SUPT3H: variants seen among roughly 807,000 people sequenced by gnomAD.
The protein encoded by SUPT3H is transcription initiation protein SPT3 homolog.
A neutral mutation model predicts 44.3 loss-of-function variants in SUPT3H; 44 were observed. That is an observed-to-expected ratio of 0.99 (90% CI 0.78 to 1.28). The LOEUF (loss-of-function observed/expected upper bound fraction) is 1.28. Among genes scored for constraint, SUPT3H ranks in the 50% most tolerant of loss-of-function variants. The probability of loss-of-function intolerance (pLI) is 0.00; values close to 1 mark genes in which losing one functional copy is unlikely to be tolerated. For synonymous variants in SUPT3H, 124 were observed against 125.6 expected (o/e 0.99, Z 0.09); for missense variants, 380 against 387.1 (o/e 0.98, Z 0.15).
At chr6:45,357,508 A>T (rs1319868268) in intron 2 of SUPT3H, among the ~76,000 whole-genome samples, 4 of 151,882 alleles carry the variant, frequency 2.6e-5, no homozygotes, top group Non-Finnish European at 4.4e-5. Flanking sequence ...TATTTTCTGT[A>T]GAGACAGCGT....
chr6:45,237,330 A>C (rs1367994382), intron 2 of SUPT3H, among the ~76,000 whole-genome samples: 1 of 152,208 alleles, frequency 6.6e-6, no homozygotes, highest in East Asian at 1.9e-4. Flanking sequence ...AAGCCCCTGA[A>C]GCATATCAAA....
At chr6:44,923,118 A>T (rs772537709) in intron 10 of SUPT3H, among the ~76,000 whole-genome samples, 126 of 152,246 alleles carry the variant, frequency 8.3e-4, no homozygotes, top group Non-Finnish European at 3.2e-4. Context: ...TGCACTCATG[A>T]TCAAATTCTT....
intron 10 of SUPT3H, among the ~76,000 whole-genome samples, chr6:44,864,326 A>AG (rs1561912396): frequency 6.6e-6 from 1 of 152,210 alleles, no homozygotes; most frequent in African/African-American, 2.4e-5. Context: ...CCATGGTGCA[A>AG]GCTGTCAGTG....
intron 10 of SUPT3H, 137 bp downstream of exon 10, chr6:44,932,516 A>G (rs3799986): frequency 0.54 from 288,116 of 536,030 alleles, 78,241 homozygotes; most frequent in East Asian, 0.69. Context: ...CAAGAGAATT[A>G]TGCCACTTTT....
At chr6:45,075,173 A>G (rs1458302748) in intron 3 of SUPT3H, among the ~76,000 whole-genome samples, 2 of 152,148 alleles carry the variant, frequency 1.3e-5, no homozygotes, top group African/African-American at 4.8e-5. Flanking sequence ...GCAGAAATGA[A>G]AACTATAATT....
intron 3 of SUPT3H, among the ~76,000 whole-genome samples, chr6:45,083,152 T>C (rs890075694): frequency 2.1e-5 from 3 of 143,716 alleles, no homozygotes. Context: ...TCCATGTTCA[T>C]AGATATTAAA....
In SUPT3H at chr6:44,829,868, AAAAG is replaced by A. The variant is rs1768295130; in HGVS notation, c.913-15_913-12del. Reference sequence around the variant, plus strand: ...CCTGCGGTAGGCATTCTGTCAAAGAAAAAGAAATCTGCAATGAATTATCACATGA... The same window carrying A: ...CCTGCGGTAGGCATTCTGTCAAAGAAAAATCTGCAATGAATTATCACATGA... On this transcript the variant is annotated splice_polypyrimidine_tract_variant and intron_variant, in intron 10 of 10. Coordinates refer to ENST00000371459, the MANE Select transcript of SUPT3H (RefSeq NM_003599.4). 1.9e-6 allele frequency: 3 copies of A among 1,612,916 alleles called. No individual in the cohort carries two copies. In the African/African-American group the frequency reaches 4.0e-5, roughly 22 times the overall value.
chr6:45,372,251 ACTT>A (rs1266654241), intron 1 of SUPT3H, among the ~76,000 whole-genome samples: 1 of 152,182 alleles, frequency 6.6e-6, no homozygotes, highest in Non-Finnish European at 1.5e-5. Flanking sequence ...GATTAAAATT[ACTT>A]CTCTTATAGG....
chr6:45,027,193 G>A (rs1786162370), intron 3 of SUPT3H, among the ~76,000 whole-genome samples: 4 of 151,882 alleles, frequency 2.6e-5, no homozygotes, highest in South Asian at 4.2e-4. Context: ...GTTCTGCCAC[G>A]TTGACCAGGC....
rs146985495 is a variant in SUPT3H at position 45,003,755 on chromosome 6, T to C, written c.402A>G (p.Gln134=). 445 of 1,613,784 alleles carry C rather than the reference T, an allele frequency of 2.8e-4. 1 individual carries two copies. The African/African-American group carries it at 5.0e-3, about 18-fold the overall frequency. The change falls in exon 6 of 11, where the codon CAA becomes CAG. Residue 134 remains glutamine (Q), a synonymous_variant. Coordinates refer to ENST00000371459, the MANE Select transcript of SUPT3H (RefSeq NM_003599.4). The part of the protein sequence containing the change: ...LSGSNNANKR[Q]KIAQDFLNSI... ...AGTTGAGGAAGTCCTGAGCAATCTT[T>C]TGTCTTTTGTTCGCATTATTGCTGC...
At chr6:45,229,295 A>G (rs1436281296) in intron 2 of SUPT3H, among the ~76,000 whole-genome samples, 1 of 152,094 alleles carries the variant, frequency 6.6e-6, no homozygotes, top group Non-Finnish European at 1.5e-5. Flanking sequence ...TCACAGCAGG[A>G]GTTATGTCTT....
intron 6 of SUPT3H, among the ~76,000 whole-genome samples, chr6:44,979,375 C>T (rs926285735): frequency 6.6e-5 from 10 of 152,154 alleles, no homozygotes; most frequent in Non-Finnish European, 1.5e-4. Flanking sequence ...GAACAAAATT[C>T]TTCAAATTAG....
intron 2 of SUPT3H, among the ~76,000 whole-genome samples, chr6:45,348,512 C>CAAAAAAAAAAAAAAAAA (rs754208599): frequency 4.5e-5 from 5 of 110,360 alleles, no homozygotes; most frequent in African/African-American, 1.5e-4. Flanking sequence ...ACTAAAAATA[C>CAAAAAAAAAAAAAAAAA]AAAAAAAAAA....
In SUPT3H at chr6:45,050,278, A is replaced by AGTGTGTGTGTGTGTGTGTGTGTGT. The variant is rs57510967; in HGVS notation, c.187-29670_187-29647dup. On this transcript the variant is annotated intron_variant, in intron 3 of 10. Coordinates refer to ENST00000371459, the MANE Select transcript of SUPT3H (RefSeq NM_003599.4). Reference sequence around the variant, plus strand: ...GTTTAGCAAACACTGCTTTTTCTGCAGTGTGTGTGTGTGTGTGTGTGTGTG... The same window carrying AGTGTGTGTGTGTGTGTGTGTGTGT: ...GTTTAGCAAACACTGCTTTTTCTGCAGTGTGTGTGTGTGTGTGTGTGTGTGTGTGTGTGTGTGTGTGTGTGTGTG... Among the ~76,000 whole-genome samples the AGTGTGTGTGTGTGTGTGTGTGTGT allele has an allele frequency of 1.4e-4, 20 of 147,418 alleles. No homozygotes were observed. In the East Asian group the frequency reaches 1.6e-3, roughly 12 times the overall value.
chr6:44,832,667 G>A (rs980880794), intron 10 of SUPT3H, among the ~76,000 whole-genome samples: 1 of 152,066 alleles, frequency 6.6e-6, no homozygotes, highest in South Asian at 2.1e-4. Context: ...GGCCCAATTA[G>A]TTATAAAATT....
At chr6:44,970,991 G>A (rs1185337757) in intron 6 of SUPT3H, among the ~76,000 whole-genome samples, 2 of 152,070 alleles carry the variant, frequency 1.3e-5, no homozygotes, top group Non-Finnish European at 2.9e-5. Flanking sequence ...TTGTGAAAAG[G>A]GAAGCCTGTC....
chr6:44,925,008 T>G (rs989961058), intron 10 of SUPT3H, among the ~76,000 whole-genome samples: 5 of 152,204 alleles, frequency 3.3e-5, no homozygotes, highest in Admixed American at 2.6e-4. Flanking sequence ...AATATGAAAT[T>G]CTAGATCAAA....
At chr6:45,132,589 T>C (rs1410480915) in intron 2 of SUPT3H, among the ~76,000 whole-genome samples, 2 of 152,204 alleles carry the variant, frequency 1.3e-5, no homozygotes, top group African/African-American at 2.4e-5. Context: ...ATTTTAGTGA[T>C]ATTTCTACAA....
intron 10 of SUPT3H, among the ~76,000 whole-genome samples, chr6:44,902,947 AT>A (rs1190943047): frequency 6.6e-6 from 1 of 152,218 alleles, no homozygotes; most frequent in Non-Finnish European, 1.5e-5. Context: ...ACATCATGAA[AT>A]GAAGGCAGAA....
Sources: allele counts gnomAD v4.1 joint callset (sites outside exome capture counted in the v4.1 genomes callset), GRCh38; gene constraint gnomAD v4.1.1; transcripts MANE v1.5; gene names NCBI Gene and HGNC (gene_info 2026-07-23, HGNC 2026-07-21).